Variants in ZNF407 observed in about 807,000 individuals in gnomAD.
ZNF407 encodes zinc finger protein 407.
ZNF407 carries 17 observed loss-of-function variants against 131.2 expected under a neutral mutation model. The ratio of observed to expected loss-of-function variants is 0.13; its 90% CI spans 0.09 to 0.19. The LOEUF (loss-of-function observed/expected upper bound fraction) is 0.19, where lower values mean the gene tolerates loss of function less well. Ranked by LOEUF, ZNF407 falls within the 10% of genes least tolerant of loss-of-function variation. ZNF407 has a pLI of 1.00. For missense variants in ZNF407, 2,681 were observed against 2,830.6 expected (o/e 0.95, Z 1.20); for synonymous variants, 1,156 against 1,062.0 (o/e 1.09, Z -1.72).
In ZNF407 at chr18:74,722,998, C is replaced by G. The variant is rs138611831; in HGVS notation, c.4803-58430C>G. ...CTTAGGTACCCGAGCTTCTCTTTAC[C>G]TTTTTTAGTCCATTTTTCTCCGTCT... On this transcript the variant is annotated intron_variant, in intron 3 of 8. Transcript: ENST00000299687. 1.4e-4 allele frequency among the ~76,000 whole-genome samples: 21 copies of G among 152,062 alleles called. No homozygotes were observed. The East Asian group carries it at 1.9e-3, about 14-fold the overall frequency.
At chr18:74,609,589 T>G (rs1982965746) in intron 1 of ZNF407, among the ~76,000 whole-genome samples, 1 of 152,098 alleles carries the variant, frequency 6.6e-6, no homozygotes, top group Admixed American at 6.6e-5. Context: ...TCTGGGTGAG[T>G]CAGTGAGTGA....
chr18:74,738,294 C>T (rs1968465101), intron 3 of ZNF407, among the ~76,000 whole-genome samples: 1 of 151,804 alleles, frequency 6.6e-6, no homozygotes. Context: ...GCGGTGCGTG[C>T]CTGTAGTCCC....
At chr18:74,821,435 A>G (rs961062049) in intron 4 of ZNF407, among the ~76,000 whole-genome samples, 1 of 149,598 alleles carries the variant, frequency 6.7e-6, no homozygotes, top group Non-Finnish European at 1.5e-5. Flanking sequence ...CCCACCCCAC[A>G]ACAGGCCCCC....
At chr18:74,676,014 A>G (rs1252803321) in intron 3 of ZNF407, among the ~76,000 whole-genome samples, 1 of 152,240 alleles carries the variant, frequency 6.6e-6, no homozygotes, top group East Asian at 1.9e-4. Flanking sequence ...AAAAGAAAAT[A>G]AAACAAGTCT....
At chr18:74,636,799 A>G (rs1158144572) in intron 2 of ZNF407, among the ~76,000 whole-genome samples, 4 of 152,234 alleles carry the variant, frequency 2.6e-5, no homozygotes, top group Admixed American at 1.3e-4. Flanking sequence ...GTGATCCCAA[A>G]TATTCCTATG....
intron 8 of ZNF407, among the ~76,000 whole-genome samples, chr18:74,999,204 C>T (rs1486276756): frequency 1.2e-5 from 1 of 82,130 alleles, no homozygotes; most frequent in African/African-American, 4.8e-5. Flanking sequence ...GTGGTGGGGT[C>T]GGGGGAGGGG....
intron 3 of ZNF407, among the ~76,000 whole-genome samples, chr18:74,695,015 T>A (rs1250216382): frequency 6.6e-6 from 1 of 152,232 alleles, no homozygotes; most frequent in East Asian, 1.9e-4. Flanking sequence ...GGAAGCCATA[T>A]GAATTTGGTT....
chr18:74,722,564 C>G (rs1408408628), intron 3 of ZNF407, among the ~76,000 whole-genome samples: 1 of 152,086 alleles, frequency 6.6e-6, no homozygotes, highest in Non-Finnish European at 1.5e-5. Context: ...CCTTCCTCAC[C>G]TTGGCACAGA....
intron 8 of ZNF407, among the ~76,000 whole-genome samples, chr18:74,993,341 A>G (rs954620080): frequency 2.6e-5 from 4 of 152,216 alleles, no homozygotes; most frequent in Admixed American, 6.5e-5. Context: ...TGGATGCACT[A>G]CATTATGGAT....
chr18:74,810,390 G>A (rs1040148456), intron 4 of ZNF407, among the ~76,000 whole-genome samples: 4 of 151,410 alleles, frequency 2.6e-5, no homozygotes, highest in Admixed American at 2.6e-4. Flanking sequence ...CTCACCACTT[G>A]ATGTACTGAA....
At position 75,063,367 on chromosome 18, in the gene ZNF407, G is replaced by A. The variant is rs1599319051; in HGVS notation, c.5646G>A (p.Val1882=). ...GGGAGTTTGCCCTGGACCCCTCGGT[G>A]GAGGAGACGGCCGCCGCCACGCTGC... The part of the protein sequence containing the change: ...YDGEFALDPS[V]EETAAATLQT... Residue 1882 remains valine (V), a synonymous_variant, in exon 9 of 9, where the codon GTG becomes GTA. Coordinates refer to ENST00000299687, the MANE Select transcript of ZNF407 (RefSeq NM_017757.3). This position sits in a 1 kb window ranked among gnomAD's most constrained non-coding sequence, Gnocchi z 6.6. The A allele has an allele frequency of 6.2e-7, 1 of 1,611,724 alleles. No homozygotes were observed. The highest frequency in any genetic ancestry group is 8.5e-7 in the Non-Finnish European group (1 of 1,179,278).
chr18:74,627,206 C>T (rs1568318614), intron 1 of ZNF407, among the ~76,000 whole-genome samples: 1 of 152,064 alleles, frequency 6.6e-6, no homozygotes, highest in Non-Finnish European at 1.5e-5. Flanking sequence ...GTGATCTTGA[C>T]CAGAAGCAGC....
Position 74,729,491 on chromosome 18 carries a change from T to TTG in ZNF407, c.4803-51923_4803-51922dup, listed in dbSNP as rs201043829. ...CCAGAGAAGAAAGGTCAAGTGTGGT[T>TTG]TGTGTGTGTGTGTGTTTTTTTTTGT... On this transcript the variant is annotated intron_variant, in intron 3 of 8. Transcript: ENST00000299687. Among the ~76,000 whole-genome samples, 1,136 of 152,012 alleles carry TTG rather than the reference T, an allele frequency of 7.5e-3. 41 individuals carry two copies. In the East Asian group the frequency reaches 0.092, roughly 12 times the overall value.
rs561564940 is a variant in ZNF407, at chr18:74,687,346, C to G, written c.4802+46224C>G. Among the ~76,000 whole-genome samples the G allele has an allele frequency of 2.4e-4, 37 of 152,188 alleles. 1 individual carries two copies. Among genetic ancestry groups the G allele is most frequent in the African/African-American group, 8.2e-4 (34 of 41,520 alleles). On this transcript the variant is annotated intron_variant, in intron 3 of 8. Transcript: ENST00000299687. The stretch of plus-strand genomic sequence containing the variant: ...CTGGGCAACAAAGTGAGACCCTATG[C>G]CTCAAACAAACAAACAAACCCCAGT...
At chr18:74,716,716 C>T (rs533989415) in intron 3 of ZNF407, among the ~76,000 whole-genome samples, 131 of 152,098 alleles carry the variant, frequency 8.6e-4, no homozygotes, top group African/African-American at 3.1e-3. Flanking sequence ...AGAAGTGGTT[C>T]GAAATAATCA....
intron 3 of ZNF407, among the ~76,000 whole-genome samples, chr18:74,708,078 TA>T (rs1967669326): frequency 1.3e-5 from 2 of 152,198 alleles, no homozygotes; most frequent in South Asian, 4.1e-4. Flanking sequence ...TGATGTCATC[TA>T]AAAATAGCAG....
At chr18:74,624,067 A>G (rs577628630) in intron 1 of ZNF407, among the ~76,000 whole-genome samples, 3 of 152,314 alleles carry the variant, frequency 2.0e-5, no homozygotes, top group South Asian at 2.1e-4. Context: ...GGCTCATTCT[A>G]CTTCTCCACT....
chr18:75,003,019 T>C (rs117469236), intron 8 of ZNF407, among the ~76,000 whole-genome samples: 2,242 of 152,328 alleles, frequency 0.015, 23 homozygotes, highest in Non-Finnish European at 0.026. Context: ...CATGCTTGGT[T>C]CTTAGGACAC....
intron 1 of ZNF407, among the ~76,000 whole-genome samples, chr18:74,620,592 A>C (rs1172922694): frequency 6.6e-6 from 1 of 152,112 alleles, no homozygotes; most frequent in Non-Finnish European, 1.5e-5. Context: ...ATTTTACTAT[A>C]CTCTGACCAC....
Sources: allele counts gnomAD v4.1 joint callset (sites outside exome capture counted in the v4.1 genomes callset), GRCh38; gene constraint gnomAD v4.1.1; non-coding constraint Gnocchi (gnomAD v3.1); transcripts MANE v1.5; gene names NCBI Gene and HGNC (gene_info 2026-07-23, HGNC 2026-07-21).